BRINP2: variants seen among roughly 807,000 people sequenced by gnomAD.
BRINP2 encodes BMP/retinoic acid-inducible neural-specific protein 2.
Under a neutral mutation model 69.2 loss-of-function variants are expected in BRINP2, and 21 were observed. That is an observed-to-expected ratio of 0.30 (90% CI 0.22 to 0.44). The LOEUF is 0.44. Ranked by LOEUF, BRINP2 falls within the 20% of genes least tolerant of loss-of-function variation. BRINP2 has a pLI of 1.00. For missense variants in BRINP2, 877 were observed against 986.0 expected (o/e 0.89, Z 1.48); for synonymous variants, 380 against 394.1 (o/e 0.96, Z 0.42).
At chr1:177,221,897 C>T (rs977433008) in intron 1 of BRINP2, among the ~76,000 whole-genome samples, 2 of 152,128 alleles carry the variant, frequency 1.3e-5, no homozygotes, top group African/African-American at 4.8e-5. Context: ...TGTGAGAGAC[C>T]ACAGTAGACT....
chr1:177,201,016 G>A (rs1230783027), intron 1 of BRINP2, among the ~76,000 whole-genome samples: 2 of 152,060 alleles, frequency 1.3e-5, no homozygotes, highest in African/African-American at 4.8e-5. Context: ...ATGATACAAT[G>A]GACTTTGGGG....
At chr1:177,215,904 T>G (rs1027833061) in intron 1 of BRINP2, among the ~76,000 whole-genome samples, 2 of 152,106 alleles carry the variant, frequency 1.3e-5, no homozygotes, top group Non-Finnish European at 2.9e-5. Context: ...CCTTTTACAG[T>G]TTTTTACTTA....
chr1:177,221,339 C>T (rs1411346615), intron 1 of BRINP2, among the ~76,000 whole-genome samples: 1 of 152,156 alleles, frequency 6.6e-6, no homozygotes, highest in Non-Finnish European at 1.5e-5. Flanking sequence ...AACTCTGGGA[C>T]TCATGGGTTT....
At chr1:177,277,031 AT>A (rs1651522312) in intron 6 of BRINP2, among the ~76,000 whole-genome samples, 2 of 152,226 alleles carry the variant, frequency 1.3e-5, no homozygotes, top group Non-Finnish European at 2.9e-5. Context: ...GATCATGTAG[AT>A]GCTCAATGTA....
Position 177,273,547 on chromosome 1 carries a change from C to T in BRINP2, c.729C>T (p.Val243=). Residue 243 remains valine (V), a synonymous_variant, in exon 5 of 8, where the codon GTC becomes GTT. Transcript: ENST00000361539. ...GCSNYDNLDS[V]SSVLVQSPEN... is the part of the protein sequence containing the mutation. ...GCAACTATGACAATCTGGACTCAGT[C>T]AGTTCTGTCTTGGTACAGAGTCCAG... 6.2e-7 allele frequency: 1 copy of T among 1,609,876 alleles called. No individual in the cohort carries two copies. Among genetic ancestry groups the T allele is most frequent in the Non-Finnish European group, 8.5e-7 (1 of 1,177,940 alleles).
intron 1 of BRINP2, among the ~76,000 whole-genome samples, chr1:177,202,382 A>G (rs1024516546): frequency 1.3e-5 from 2 of 152,296 alleles, no homozygotes; most frequent in African/African-American, 4.8e-5. Flanking sequence ...AATGTGTCCC[A>G]GAGATTCTGG....
chr1:177,230,483 C>T (rs955123815), intron 2 of BRINP2, among the ~76,000 whole-genome samples: 2 of 152,188 alleles, frequency 1.3e-5, no homozygotes, highest in African/African-American at 4.8e-5. Context: ...AGGTCAGAGT[C>T]AAATGCTGGG....
chr1:177,236,422 C>A (rs914613795), intron 2 of BRINP2, among the ~76,000 whole-genome samples: 2 of 152,104 alleles, frequency 1.3e-5, no homozygotes, highest in African/African-American at 4.8e-5. Context: ...TGTCTTGGAG[C>A]AAGGAGAAAT....
intron 1 of BRINP2, among the ~76,000 whole-genome samples, chr1:177,190,160 AAT>A (rs1648546028): frequency 6.6e-6 from 1 of 152,180 alleles, no homozygotes; most frequent in Admixed American, 6.5e-5. Context: ...TTCAGAAGTA[AAT>A]ATGAGTCCCT....
intron 1 of BRINP2, among the ~76,000 whole-genome samples, chr1:177,177,300 C>CA (rs1289724087): frequency 4.6e-5 from 7 of 151,144 alleles, no homozygotes; most frequent in African/African-American, 1.7e-4. Context: ...AAACAAACAA[C>CA]AACAACAACA....
At chr1:177,219,829 G>C (rs1649473903) in intron 1 of BRINP2, among the ~76,000 whole-genome samples, 1 of 152,186 alleles carries the variant, frequency 6.6e-6, no homozygotes, top group Admixed American at 6.5e-5. Flanking sequence ...GATTGGCTTG[G>C]GTTTATTTTG....
At chr1:177,270,996 C>G (rs970990369) in intron 4 of BRINP2, among the ~76,000 whole-genome samples, 1 of 152,196 alleles carries the variant, frequency 6.6e-6, no homozygotes, top group Non-Finnish European at 1.5e-5. Context: ...GATTCAGCAC[C>G]TGTGTCCACA....
At chr1:177,270,502 G>A (rs1389806786) in intron 4 of BRINP2, among the ~76,000 whole-genome samples, 3 of 151,896 alleles carry the variant, frequency 2.0e-5, no homozygotes, top group Admixed American at 6.6e-5. Flanking sequence ...ATGGTGGGGG[G>A]CGGGAAGCAG....
intron 4 of BRINP2, among the ~76,000 whole-genome samples, chr1:177,261,516 G>C (rs1650955099): frequency 6.6e-6 from 1 of 152,166 alleles, no homozygotes; most frequent in East Asian, 1.9e-4. Flanking sequence ...ACTGGGAGGA[G>C]GTACAGATCT....
chr1:177,242,415 T>C (rs1650232677), intron 2 of BRINP2, among the ~76,000 whole-genome samples: 1 of 152,208 alleles, frequency 6.6e-6, no homozygotes, highest in East Asian at 1.9e-4. Flanking sequence ...GTTTTTCTTC[T>C]GTTCCAGTCC....
chr1:177,224,131 A>G (rs1164611669), intron 1 of BRINP2, among the ~76,000 whole-genome samples: 1 of 152,174 alleles, frequency 6.6e-6, no homozygotes, highest in East Asian at 1.9e-4. Flanking sequence ...TTCTTGTAAA[A>G]ACAGGAGGTT....
At chr1:177,246,110 T>C (rs1007629353) in intron 2 of BRINP2, among the ~76,000 whole-genome samples, 2 of 152,192 alleles carry the variant, frequency 1.3e-5, no homozygotes, top group African/African-American at 4.8e-5. Flanking sequence ...GATGGCCTCA[T>C]TTCTGTTCTT....
Position 177,256,076 on chromosome 1 carries a change from G to A in BRINP2, c.427G>A (p.Gly143Ser). The change falls in exon 3 of 8, where the codon GGC becomes AGC. Residue 143 changes from glycine (G) to serine (S), a missense_variant. Physicochemically the swap from Gly to Ser is moderately conservative, Grantham distance 56. This residue lies in a region of BRINP2 where 566 missense variants were observed against 625.2 expected (regional missense o/e 0.91). Coordinates refer to ENST00000361539, the MANE Select transcript of BRINP2 (RefSeq NM_021165.4). ...QVTENLIKKYGTHFLLSATLG... is the reference protein window; with the variant it reads ...QVTENLIKKYSTHFLLSATLG... ...TACAGAAAATCTGATTAAAAAGTAC[G>A]GCACTCATTTCTTACTTTCTGCCAC... 6.2e-7 allele frequency: 1 copy of A among 1,614,112 alleles called. No individual in the cohort carries two copies. Among genetic ancestry groups the A allele is most frequent in the Non-Finnish European group, 8.5e-7 (1 of 1,180,014 alleles).
At chr1:177,241,013 C>T (rs1650186012) in intron 2 of BRINP2, among the ~76,000 whole-genome samples, 2 of 151,916 alleles carry the variant, frequency 1.3e-5, no homozygotes, top group Admixed American at 1.3e-4. Context: ...GCTCTGTCAC[C>T]CAGGCTGGAG....
Sources: gnomAD v4.1 joint callset for allele counts (sites outside exome capture counted in the v4.1 genomes callset) on GRCh38, gnomAD v4.1.1 for gene constraint, gnomAD v4.1.1 regional missense constraint, MANE v1.5 for transcripts, NCBI Gene and HGNC (gene_info 2026-07-23, HGNC 2026-07-21) for gene names.